Variants in EPHA6 observed in about 807,000 individuals in gnomAD.
The protein encoded by EPHA6 is EPH receptor A6.
A neutral mutation model predicts 112.0 loss-of-function variants in EPHA6; 50 were observed. The observed-to-expected ratio is 0.45, with a 90% confidence interval of 0.36 to 0.56. EPHA6 has a LOEUF of 0.56. Among genes scored for constraint, EPHA6 ranks in the 20% least tolerant of loss-of-function variants. The pLI, the probability that EPHA6 is intolerant of heterozygous loss-of-function variation, is 0.00. For synonymous variants in EPHA6, 529 were observed against 490.7 expected, an observed-to-expected ratio of 1.08 and a Z score of -1.03; for missense variants, 1,280 against 1,417.4, an observed-to-expected ratio of 0.90 and a Z score of 1.56.
chr3:97,649,855 A>G (rs1216063639), intron 14 of EPHA6, among the ~76,000 whole-genome samples: 3 of 152,062 alleles, frequency 2.0e-5, no homozygotes, highest in African/African-American at 7.2e-5. Flanking sequence ...TGTATTGACC[A>G]TTATAATTCG....
intron 13 of EPHA6, among the ~76,000 whole-genome samples, chr3:97,624,627 T>C (rs1473079853): frequency 3.3e-5 from 5 of 151,590 alleles, no homozygotes; most frequent in Non-Finnish European, 5.9e-5. Flanking sequence ...AGGATTTGTG[T>C]TCATTCTTTA....
At chr3:96,926,896 C>T (rs1290131404) in intron 2 of EPHA6, among the ~76,000 whole-genome samples, 1 of 152,098 alleles carries the variant, frequency 6.6e-6, no homozygotes, top group Non-Finnish European at 1.5e-5. Flanking sequence ...GAACAGTGGC[C>T]CTATTGTCAC....
intron 2 of EPHA6, among the ~76,000 whole-genome samples, chr3:96,895,734 T>G (rs2038234462): frequency 6.6e-6 from 1 of 152,210 alleles, no homozygotes; most frequent in South Asian, 2.1e-4. Context: ...CCCAGAGTAT[T>G]AAAGCTTCTA....
intron 3 of EPHA6, among the ~76,000 whole-genome samples, chr3:97,085,707 T>G (rs1162719065): frequency 6.6e-6 from 1 of 151,960 alleles, no homozygotes; most frequent in Non-Finnish European, 1.5e-5. Context: ...ATAATTAGAT[T>G]TGTTGTTGTT....
intron 14 of EPHA6, among the ~76,000 whole-genome samples, chr3:97,673,616 G>C (rs1241643076): frequency 6.6e-6 from 1 of 152,168 alleles, no homozygotes; most frequent in Non-Finnish European, 1.5e-5. Context: ...ACTGTAATTT[G>C]AGGACAGCGA....
intron 3 of EPHA6, among the ~76,000 whole-genome samples, chr3:97,054,826 G>A: frequency 6.6e-6 from 1 of 151,798 alleles, no homozygotes; most frequent in East Asian, 1.9e-4. Context: ...AAGATTCTAG[G>A]TTTCATTGTA....
At chr3:97,252,176 G>A (rs1360820683) in intron 5 of EPHA6, among the ~76,000 whole-genome samples, 1 of 152,010 alleles carries the variant, frequency 6.6e-6, no homozygotes, top group East Asian at 1.9e-4. Flanking sequence ...AAAAGAGAGG[G>A]TCCCTTAAAA....
chr3:97,288,924 A>AT (rs374397667), intron 5 of EPHA6, among the ~76,000 whole-genome samples: 86,373 of 111,272 alleles, frequency 0.78, 35,739 homozygotes, highest in South Asian at 0.92. Context: ...TTTAATGGGG[A>AT]TTTTTTTTTT....
At chr3:96,971,429 A>G (rs1332224044) in intron 2 of EPHA6, among the ~76,000 whole-genome samples, 1 of 152,096 alleles carries the variant, frequency 6.6e-6, no homozygotes, top group Non-Finnish European at 1.5e-5. Context: ...CACATGATGC[A>G]TTTTGCTTCT....
At chr3:97,317,860 T>G (rs952782005) in intron 5 of EPHA6, among the ~76,000 whole-genome samples, 1 of 151,970 alleles carries the variant, frequency 6.6e-6, no homozygotes, top group East Asian at 1.9e-4. Context: ...AAAGAGCAAT[T>G]CACACAGAAG....
intron 5 of EPHA6, among the ~76,000 whole-genome samples, chr3:97,393,867 T>C (rs1264467124): frequency 6.6e-6 from 1 of 151,788 alleles, no homozygotes; most frequent in Admixed American, 6.6e-5. Context: ...CTTAACATAA[T>C]ATCTAGGTTC....
intron 3 of EPHA6, among the ~76,000 whole-genome samples, chr3:97,143,341 CAG>C (rs1385231495): frequency 1.3e-5 from 2 of 151,624 alleles, no homozygotes; most frequent in African/African-American, 4.8e-5. Flanking sequence ...ATAATAATAA[CAG>C]AAAACTATAT....
At chr3:96,958,183 G>C (rs1334462240) in intron 2 of EPHA6, among the ~76,000 whole-genome samples, 1 of 151,940 alleles carries the variant, frequency 6.6e-6, no homozygotes, top group Non-Finnish European at 1.5e-5. Context: ...CCAGCTACTT[G>C]GGTGGCTGAG....
chr3:97,552,245 T>C, intron 11 of EPHA6, among the ~76,000 whole-genome samples: 1 of 152,270 alleles, frequency 6.6e-6, no homozygotes, highest in South Asian at 2.1e-4. Flanking sequence ...TTTTATAAGA[T>C]AAAACAAAAT....
intron 3 of EPHA6, among the ~76,000 whole-genome samples, chr3:97,168,599 G>C (rs1324834629): frequency 3.2e-5 from 4 of 123,926 alleles, no homozygotes; most frequent in African/African-American, 1.4e-4. Context: ...CTCTCTGTGT[G>C]TCTCTCTCTG....
intron 2 of EPHA6, among the ~76,000 whole-genome samples, chr3:96,928,955 T>C (rs1285551129): frequency 6.6e-6 from 1 of 152,232 alleles, no homozygotes; most frequent in East Asian, 1.9e-4. Flanking sequence ...TTTTTTCTGT[T>C]TTCCATTTGC....
At chr3:97,639,655 T>C (rs748648406) in intron 14 of EPHA6, among the ~76,000 whole-genome samples, 41 of 152,168 alleles carry the variant, frequency 2.7e-4, no homozygotes, top group Non-Finnish European at 5.1e-4. Flanking sequence ...TAACTAAATG[T>C]AATATACTCA....
chr3:97,237,837 TCCATG>T (rs1024675686), intron 4 of EPHA6, among the ~76,000 whole-genome samples: 1 of 151,966 alleles, frequency 6.6e-6, no homozygotes, highest in African/African-American at 2.4e-5. Flanking sequence ...CATGATTTTT[TCCATG>T]GTATTAGGGA....
intron 3 of EPHA6, among the ~76,000 whole-genome samples, chr3:97,092,483 C>T (rs942423169): frequency 1.5e-4 from 23 of 152,086 alleles, no homozygotes; most frequent in African/African-American, 5.3e-4. Flanking sequence ...TTTGAGTTTT[C>T]CCTCAAATAC....
Sources: gnomAD v4.1 joint callset for allele counts (sites outside exome capture counted in the v4.1 genomes callset) on GRCh38, gnomAD v4.1.1 for gene constraint, MANE v1.5 for transcripts, NCBI Gene and HGNC (gene_info 2026-07-23, HGNC 2026-07-21) for gene names.